The following CNTNAP2 variants were observed in gnomAD, a reference collection of about 807,000 sequenced individuals.
The protein encoded by CNTNAP2 is contactin associated protein 2.
In CNTNAP2, 98 loss-of-function variants were observed where a neutral mutation model predicts 155.2. The observed-to-expected ratio is 0.63, with a 90% CI of 0.54 to 0.75. The LOEUF (loss-of-function observed/expected upper bound fraction) is 0.75. Ranked by LOEUF, CNTNAP2 falls within the 30% of genes least tolerant of loss-of-function variation. The pLI, the probability that CNTNAP2 is intolerant of heterozygous loss-of-function variation, is 0.00. For synonymous variants in CNTNAP2, 651 were observed against 631.2 expected (o/e 1.03, Z -0.47); for missense variants, 1,727 against 1,688.1 (o/e 1.02, Z -0.40).
chr7:146,536,930 C>T (rs1269411326), intron 1 of CNTNAP2, among the ~76,000 whole-genome samples: 1 of 152,058 alleles, frequency 6.6e-6, no homozygotes, highest in Non-Finnish European at 1.5e-5. Flanking sequence ...TATACTAGAA[C>T]TTAACCATTA....
chr7:146,900,830 C>G (rs1288352582), intron 3 of CNTNAP2, among the ~76,000 whole-genome samples: 1 of 152,216 alleles, frequency 6.6e-6, no homozygotes, highest in East Asian at 1.9e-4. Context: ...CTACCTGCAC[C>G]GAGTCTCTTG....
chr7:148,074,685 CAA>C lies in CNTNAP2; in HGVS notation c.2384-43420_2384-43419del, dbSNP rs111493967. Among the ~76,000 whole-genome samples, 283 of 135,590 alleles carry C rather than the reference CAA, an allele frequency of 2.1e-3. 1 individual carries two copies. The highest frequency in any genetic ancestry group is 7.2e-3 in the African/African-American group (274 of 38,040). The allele number at this position is 135,590 out of a possible 152,430, so 89.0% of individuals were successfully genotyped here. A position where few individuals can be genotyped will look rare whatever the true frequency, so the allele number is the denominator to read the frequency against. On this transcript the variant is annotated intron_variant, in intron 15 of 23. Coordinates refer to ENST00000361727, the MANE Select transcript of CNTNAP2 (RefSeq NM_014141.6). ...CCGGGGCAAAAGAGCAAGACTGTCT[CAA>C]AAAAAAAAAAAATTGAGAATCTAAA...
intron 1 of CNTNAP2, among the ~76,000 whole-genome samples, chr7:146,570,127 G>A (rs751277821): frequency 6.6e-5 from 10 of 151,930 alleles, no homozygotes; most frequent in Non-Finnish European, 1.3e-4. Flanking sequence ...AGCACTGTTT[G>A]TACATAAATA....
chr7:147,919,628 T>G (rs1800230489), intron 14 of CNTNAP2, among the ~76,000 whole-genome samples: 1 of 151,354 alleles, frequency 6.6e-6, no homozygotes, highest in Admixed American at 6.6e-5. Flanking sequence ...CTGGCTAATT[T>G]TTTGTATTTT....
intron 21 of CNTNAP2, among the ~76,000 whole-genome samples, chr7:148,308,792 G>C (rs1273902027): frequency 7.7e-6 from 1 of 129,270 alleles, no homozygotes. Context: ...TGTTCTCATT[G>C]TTCAGCTCCC....
At chr7:146,738,223 T>G (rs975374777) in intron 1 of CNTNAP2, among the ~76,000 whole-genome samples, 6 of 151,982 alleles carry the variant, frequency 3.9e-5, no homozygotes, top group African/African-American at 1.4e-4. Context: ...TATAAGGTGA[T>G]ATCTCATTGG....
At chr7:148,056,254 G>A (rs1585101055) in intron 15 of CNTNAP2, among the ~76,000 whole-genome samples, 1 of 152,122 alleles carries the variant, frequency 6.6e-6, no homozygotes, top group African/African-American at 2.4e-5. Context: ...TTTATGTTCT[G>A]TGGATTTTTC....
rs565827491 is a variant in CNTNAP2, at chr7:148,012,773, T to TA, written c.2383+34785dup. Among the ~76,000 whole-genome samples, 344 of 152,354 alleles carry TA rather than the reference T, an allele frequency of 2.3e-3. 1 individual carries two copies. Among genetic ancestry groups the TA allele is most frequent in the Middle Eastern group, 6.8e-3 (2 of 294 alleles). On this transcript the variant is annotated intron_variant, in intron 15 of 23. Transcript: ENST00000361727. Reference sequence around the variant, plus strand: ...TCTTCCATAAATTCCAAGTTCCCGATAGCTAACTTCCAAAGCTAAAAGTAA... The same window carrying TA: ...TCTTCCATAAATTCCAAGTTCCCGATAAGCTAACTTCCAAAGCTAAAAGTAA...
intron 1 of CNTNAP2, among the ~76,000 whole-genome samples, chr7:146,439,716 A>G (rs1796293787): frequency 6.6e-6 from 1 of 151,576 alleles, no homozygotes; most frequent in Non-Finnish European, 1.5e-5. Context: ...TCGTAGTCAC[A>G]AAGGTTCCAA....
At chr7:147,084,532 T>G (rs1377382210) in intron 4 of CNTNAP2, among the ~76,000 whole-genome samples, 1 of 98,714 alleles carries the variant, frequency 1.0e-5, no homozygotes, top group African/African-American at 3.1e-5. Flanking sequence ...CATATAATAC[T>G]ATATATAATA....
chr7:147,988,316 G>T (rs1230603951), intron 15 of CNTNAP2, among the ~76,000 whole-genome samples: 1 of 152,130 alleles, frequency 6.6e-6, no homozygotes, highest in Non-Finnish European at 1.5e-5. Flanking sequence ...GATTGGGAGG[G>T]TCTAGAAGAA....
intron 9 of CNTNAP2, among the ~76,000 whole-genome samples, chr7:147,385,937 C>T (rs551205291): frequency 6.6e-6 from 1 of 152,366 alleles, no homozygotes; most frequent in South Asian, 2.1e-4. Context: ...GGCATCCATG[C>T]ATTTCCATAC....
At chr7:146,778,602 CT>C (rs1366542896) in intron 2 of CNTNAP2, among the ~76,000 whole-genome samples, 6 of 152,194 alleles carry the variant, frequency 3.9e-5, no homozygotes, top group Admixed American at 3.9e-4. Context: ...ATGTGTTACT[CT>C]TTCCAAGGTT....
intron 11 of CNTNAP2, among the ~76,000 whole-genome samples, chr7:147,519,757 G>A (rs1221110073): frequency 6.6e-6 from 1 of 152,144 alleles, no homozygotes; most frequent in African/African-American, 2.4e-5. Context: ...CCCAGCTACT[G>A]GGGAGGATGA....
chr7:147,830,235 T>C (rs1308130343), intron 13 of CNTNAP2, among the ~76,000 whole-genome samples: 1 of 151,618 alleles, frequency 6.6e-6, no homozygotes, highest in Non-Finnish European at 1.5e-5. Flanking sequence ...CTCTGGAGGC[T>C]GGGAAGTCCA....
chr7:146,605,481 A>T (rs1799031773), intron 1 of CNTNAP2, among the ~76,000 whole-genome samples: 1 of 144,076 alleles, frequency 6.9e-6, no homozygotes, highest in South Asian at 2.2e-4. Context: ...TTATGCAGAA[A>T]AAAGGACTCT....
chr7:147,093,240 CA>C (rs530286124), intron 4 of CNTNAP2, among the ~76,000 whole-genome samples: 3,960 of 54,276 alleles, frequency 0.073, 46 homozygotes, highest in African/African-American at 0.14. Flanking sequence ...GACTCCATCT[CA>C]AAAAAAAAAA....
intron 1 of CNTNAP2, among the ~76,000 whole-genome samples, chr7:146,327,660 A>G (rs1197821252): frequency 1.3e-5 from 2 of 152,232 alleles, no homozygotes; most frequent in Non-Finnish European, 2.9e-5. Flanking sequence ...GCATAATTTT[A>G]AACTAGCTCA....
At chr7:147,353,044 T>C (rs1344382466) in intron 9 of CNTNAP2, among the ~76,000 whole-genome samples, 1 of 151,588 alleles carries the variant, frequency 6.6e-6, no homozygotes, top group African/African-American at 2.4e-5. Flanking sequence ...AAGTGAGATA[T>C]TATAAACCGC....
Sources: gnomAD v4.1 joint callset for allele counts (sites outside exome capture counted in the v4.1 genomes callset) on GRCh38, gnomAD v4.1.1 for gene constraint, MANE v1.5 for transcripts, NCBI Gene and HGNC (gene_info 2026-07-23, HGNC 2026-07-21) for gene names.